The following FHAD1 variants were observed in gnomAD, a reference collection of about 807,000 sequenced individuals.
FHAD1 encodes the protein forkhead associated phosphopeptide binding domain 1.
Under a neutral mutation model 191.3 loss-of-function variants are expected in FHAD1, and 146 were observed. That is an observed-to-expected ratio of 0.76 (90% CI 0.67 to 0.88). The LOEUF is 0.88. Among genes scored for constraint, FHAD1 ranks in the 40% least tolerant of loss-of-function variants. FHAD1 has a pLI of 0.00. For synonymous variants in FHAD1, 616 were observed against 672.3 expected (o/e 0.92, Z 1.29); for missense variants, 1,635 against 1,785.8 (o/e 0.92, Z 1.52).
chr1:15,402,034 T>C (rs1314495400), downstream of FHAD1, among the ~76,000 whole-genome samples: 2 of 152,266 alleles, frequency 1.3e-5, no homozygotes, highest in African/African-American at 2.4e-5. Flanking sequence ...CTGTCATCTT[T>C]AGCAAACTGT....
At chr1:15,239,546 C>T (rs572768725) in intron 1 of FHAD1, among the ~76,000 whole-genome samples, 4 of 152,290 alleles carry the variant, frequency 2.6e-5, no homozygotes, top group African/African-American at 4.8e-5. Flanking sequence ...CGAGACTGTG[C>T]CACTGCACTT....
chr1:15,337,801 C>G (rs1474619285), intron 14 of FHAD1, among the ~76,000 whole-genome samples: 2 of 152,116 alleles, frequency 1.3e-5, no homozygotes, highest in African/African-American at 4.8e-5. Context: ...CAGGCCACTT[C>G]ACTGTTCTGT....
At chr1:15,360,085 T>C (rs898997684) in intron 21 of FHAD1, among the ~76,000 whole-genome samples, 2 of 152,096 alleles carry the variant, frequency 1.3e-5, no homozygotes, top group African/African-American at 2.4e-5. Context: ...TGCACTCTAA[T>C]GTGGGTGACA....
Position 15,391,271 on chromosome 1 carries a change from G to C in FHAD1, c.4323+8G>C. ...CAGAACTCAAATTCCCAGGTGAGCA[G>C]AAAGAGCATCCTTTAGAATTCTCTT... is the stretch of plus-strand genomic sequence containing the variant. On this transcript the variant is annotated splice_region_variant and intron_variant, in intron 33 of 33. Coordinates refer to ENST00000688493, the MANE Select transcript of FHAD1 (RefSeq NM_001391957.1). 7.8e-7 allele frequency: 1 copy of C among 1,284,896 alleles called. No homozygotes were observed. The highest frequency in any genetic ancestry group is 1.0e-6 in the Non-Finnish European group (1 of 984,830). The allele number at this position is 1,284,896 out of a possible 1,614,324, so 79.6% of individuals were successfully genotyped here.
In FHAD1 at chr1:15,247,272, G is replaced by C. The variant is rs77186755; in HGVS notation, c.-138G>C. Reference sequence around the variant, plus strand: ...AGGCCGGCCGGGCGGGCGGGGTGCCGGGTGCGAGCTGGAGACTCCGCGGGA... The same window carrying C: ...AGGCCGGCCGGGCGGGCGGGGTGCCCGGTGCGAGCTGGAGACTCCGCGGGA... On this transcript the variant is annotated 5_prime_UTR_variant, in exon 1 of 34. Transcript: ENST00000688493. 14 of 182,702 alleles carry C rather than the reference G, an allele frequency of 7.7e-5. No individual in the cohort carries two copies. The highest frequency in any genetic ancestry group is 3.1e-4 in the African/African-American group (13 of 41,550). The allele number at this position is 182,702 out of a possible 1,614,324, so 11.3% of individuals were successfully genotyped here. A position where few individuals can be genotyped will look rare whatever the true frequency, so the allele number is the denominator to read the frequency against.
At chr1:15,391,829 T>C (rs1252546751) in intron 33 of FHAD1, among the ~76,000 whole-genome samples, 1 of 152,100 alleles carries the variant, frequency 6.6e-6, no homozygotes, top group Non-Finnish European at 1.5e-5. Flanking sequence ...CTGCTCTGGG[T>C]GTTAGGAGGG....
chr1:15,359,811 G>A (rs1055828257), intron 21 of FHAD1, among the ~76,000 whole-genome samples: 13 of 128,648 alleles, frequency 1.0e-4, no homozygotes, highest in African/African-American at 4.0e-4. Flanking sequence ...ATAGCCAGGC[G>A]TGGTGGCGGG....
chr1:15,274,961 A>G (rs1657679030), intron 3 of FHAD1, among the ~76,000 whole-genome samples: 1 of 152,016 alleles, frequency 6.6e-6, no homozygotes, highest in Non-Finnish European at 1.5e-5. Context: ...AAAGACAACA[A>G]AGCACACTTT....
chr1:15,303,014 A>T (rs1669304793), intron 6 of FHAD1, among the ~76,000 whole-genome samples: 1 of 152,216 alleles, frequency 6.6e-6, no homozygotes, highest in Non-Finnish European at 1.5e-5. Context: ...CCAGAATAGG[A>T]CAGTGTCTGT....
chr1:15,245,878 G>A (rs1557898508), upstream of FHAD1, among the ~76,000 whole-genome samples: 1 of 152,172 alleles, frequency 6.6e-6, no homozygotes, highest in Non-Finnish European at 1.5e-5. Context: ...AAGCCTCCAG[G>A]CACGTTTGAG....
At position 15,381,814 on chromosome 1, in the gene FHAD1, C is replaced by T. The variant is rs562637490; in HGVS notation, c.4023-214C>T. ...AGGAAGTCAGGAGGGGCTGGTAGCA[C>T]ATCCTTTATCCCCTCCCGCTACACA... On this transcript the variant is annotated intron_variant, in intron 30 of 33. Coordinates refer to ENST00000688493, the MANE Select transcript of FHAD1 (RefSeq NM_001391957.1). The surrounding 1 kb of genome is among the most constrained non-coding windows in gnomAD (Gnocchi z 4.6). 6.6e-6 allele frequency among the ~76,000 whole-genome samples: 1 copy of T among 152,038 alleles called. No individual in the cohort carries two copies. Among genetic ancestry groups the T allele is most frequent in the East Asian group, 2.0e-4 (1 of 5,118 alleles).
At chr1:15,317,775 C>T (rs753675656) in intron 9 of FHAD1, 49 bp from the exon 10 acceptor site, 103 of 1,342,396 alleles carry the variant, frequency 7.7e-5, no homozygotes, top group Non-Finnish European at 9.9e-5. Flanking sequence ...GCCAAGAAGG[C>T]AGCTCCTGCC....
intron 2 of FHAD1, among the ~76,000 whole-genome samples, chr1:15,271,317 A>G (rs1034418163): frequency 1.3e-5 from 2 of 152,168 alleles, no homozygotes; most frequent in African/African-American, 4.8e-5. Context: ...TGTCTCAAAA[A>G]TAAAAGACGA....
chr1:15,382,251 A>G (rs1701087137), intron 31 of FHAD1, 58 bp downstream of exon 31: 28 of 1,519,962 alleles, frequency 1.8e-5, no homozygotes, highest in Non-Finnish European at 2.5e-5. Flanking sequence ...TCCCATTAGC[A>G]ATGGCCGAGG....
intron 33 of FHAD1, among the ~76,000 whole-genome samples, chr1:15,395,276 C>T (rs1397660141): frequency 6.7e-6 from 1 of 149,064 alleles, no homozygotes; most frequent in East Asian, 2.0e-4. Context: ...CCACTGCAGT[C>T]CAGCCTGGGC....
intron 10 of FHAD1, among the ~76,000 whole-genome samples, chr1:15,323,147 A>C (rs1381394056): frequency 6.6e-6 from 1 of 152,162 alleles, no homozygotes; most frequent in East Asian, 1.9e-4. Context: ...GATACAATTG[A>C]AGTTGAGATT....
At chr1:15,323,625 C>T (rs752554435) in intron 10 of FHAD1, among the ~76,000 whole-genome samples, 19 of 152,166 alleles carry the variant, frequency 1.2e-4, no homozygotes, top group Non-Finnish European at 2.1e-4. Context: ...GAGTTTGTCT[C>T]ATTTCCTGCA....
At chr1:15,326,128 C>T (rs1018876643) in intron 11 of FHAD1, 2 of 152,300 alleles carry the variant, frequency 1.3e-5, no homozygotes, top group African/African-American at 2.4e-5. Context: ...GTCCGTAAGA[C>T]GTTTCCCATT....
At chr1:15,277,877 C>G (rs914469544) in intron 3 of FHAD1, among the ~76,000 whole-genome samples, 1 of 152,162 alleles carries the variant, frequency 6.6e-6, no homozygotes, top group Non-Finnish European at 1.5e-5. Context: ...TGAGCATTTA[C>G]TATACGTACC....
Sources: allele counts gnomAD v4.1 joint callset (sites outside exome capture counted in the v4.1 genomes callset), GRCh38; gene constraint gnomAD v4.1.1; non-coding constraint Gnocchi (gnomAD v3.1); transcripts MANE v1.5; gene names NCBI Gene and HGNC (gene_info 2026-07-23, HGNC 2026-07-21).